Variants in LINGO2 observed in about 807,000 individuals in gnomAD.
LINGO2 encodes leucine-rich repeat and immunoglobulin-like domain-containing nogo receptor-interacting protein 2.
In LINGO2, 14 loss-of-function variants were observed where a neutral mutation model predicts 30.6. That is an observed-to-expected ratio of 0.46 (90% CI 0.30 to 0.72). LINGO2 has a LOEUF of 0.72. LINGO2 is among the 30% of genes least tolerant of loss of function. The probability of loss-of-function intolerance (pLI) is 0.07; values close to 1 mark genes in which losing one functional copy is unlikely to be tolerated. For synonymous variants in LINGO2, 317 were observed against 288.5 expected (o/e 1.10, Z -1.00); for missense variants, 729 against 751.7 (o/e 0.97, Z 0.35).
At chr9:28,562,151 G>A (rs10491884) in intron 1 of LINGO2, among the ~76,000 whole-genome samples, 114,200 of 151,702 alleles carry the variant, frequency 0.75, 43,341 homozygotes, top group Middle Eastern at 0.86. Context: ...AAAATGCTCT[G>A]CTAATGAACC....
intron 4 of LINGO2, among the ~76,000 whole-genome samples, chr9:28,221,117 G>C (rs934050094): frequency 9.2e-5 from 14 of 151,898 alleles, no homozygotes; most frequent in Admixed American, 3.3e-4. Flanking sequence ...CGCTAACACG[G>C]TGAAACCCCG....
intron 4 of LINGO2, among the ~76,000 whole-genome samples, chr9:28,210,574 C>G (rs1422196941): frequency 6.6e-6 from 1 of 151,472 alleles, no homozygotes; most frequent in African/African-American, 2.4e-5. Context: ...TAAAAAGTTA[C>G]CATATTACTT....
chr9:29,136,449 T>C, the LINGO2 span, among the ~76,000 whole-genome samples: 2 of 152,170 alleles, frequency 1.3e-5, no homozygotes, highest in Non-Finnish European at 2.9e-5. Context: ...TCCTCAGAAA[T>C]TATTTTCTCC....
chr9:29,180,477 C>T, the LINGO2 span, among the ~76,000 whole-genome samples: 1 of 152,262 alleles, frequency 6.6e-6, no homozygotes, highest in East Asian at 1.9e-4. Context: ...ACCAATAATT[C>T]TAAAATCCAG....
chr9:28,069,367 A>G (rs185961063), intron 4 of LINGO2, among the ~76,000 whole-genome samples: 26 of 152,312 alleles, frequency 1.7e-4, no homozygotes, highest in Non-Finnish European at 2.6e-4. Context: ...TAGACATACT[A>G]TGAATGACAC....
the LINGO2 span, among the ~76,000 whole-genome samples, chr9:28,679,640 C>G: frequency 6.6e-6 from 1 of 151,848 alleles, no homozygotes; most frequent in Non-Finnish European, 1.5e-5. Context: ...CTCACATATA[C>G]AAATAATAGT....
the LINGO2 span, among the ~76,000 whole-genome samples, chr9:28,686,280 G>T: frequency 6.6e-6 from 1 of 151,850 alleles, no homozygotes; most frequent in Non-Finnish European, 1.5e-5. Flanking sequence ...TTTTGTAAGG[G>T]CAATATTCAT....
chr9:28,160,440 G>C (rs1212538516), intron 4 of LINGO2, among the ~76,000 whole-genome samples: 1 of 152,126 alleles, frequency 6.6e-6, no homozygotes, highest in African/African-American at 2.4e-5. Context: ...GAATGAAATG[G>C]ACAAAATTTC....
intron 1 of LINGO2, among the ~76,000 whole-genome samples, chr9:28,596,964 C>T (rs993640081): frequency 2.0e-5 from 3 of 152,062 alleles, no homozygotes; most frequent in African/African-American, 4.8e-5. Context: ...TGTTTATATG[C>T]TTTAAAAAAG....
At chr9:28,119,208 G>C (rs550549460) in intron 4 of LINGO2, among the ~76,000 whole-genome samples, 2 of 152,292 alleles carry the variant, frequency 1.3e-5, no homozygotes, top group South Asian at 4.1e-4. Flanking sequence ...TCAGTAACCA[G>C]CAAACCCAAT....
the LINGO2 span, among the ~76,000 whole-genome samples, chr9:29,165,186 T>C: frequency 1.3e-5 from 2 of 152,168 alleles, no homozygotes; most frequent in Admixed American, 6.5e-5. Context: ...ATATTTGGCA[T>C]CTGTATCAAT....
intron 4 of LINGO2, among the ~76,000 whole-genome samples, chr9:28,097,578 C>T (rs1307341164): frequency 7.1e-6 from 1 of 140,370 alleles, no homozygotes; most frequent in Non-Finnish European, 1.5e-5. Context: ...AGTAAACTAT[C>T]GCAAGAACAA....
At chr9:28,267,560 C>T (rs1228833158) in intron 4 of LINGO2, among the ~76,000 whole-genome samples, 1 of 151,992 alleles carries the variant, frequency 6.6e-6, no homozygotes, top group Non-Finnish European at 1.5e-5. Context: ...ACACATCATT[C>T]TGTGGTTTTC....
At chr9:28,848,062 TGTATATAA>T in the LINGO2 span, among the ~76,000 whole-genome samples, 3 of 8,660 alleles carry the variant, frequency 3.5e-4, 1 homozygote, top group African/African-American at 7.1e-4. Flanking sequence ...TATATATATA[TGTATATAA>T]TATATATATA....
the LINGO2 span, among the ~76,000 whole-genome samples, chr9:28,790,151 G>A: frequency 7.2e-5 from 11 of 151,980 alleles, no homozygotes; most frequent in African/African-American, 2.4e-4. Context: ...TCCTGCCTGG[G>A]ACATAAATCA....
At chr9:27,999,628 C>G (rs1291408011) in intron 5 of LINGO2, among the ~76,000 whole-genome samples, 1 of 152,116 alleles carries the variant, frequency 6.6e-6, no homozygotes, top group Non-Finnish European at 1.5e-5. Context: ...AGACTGCCAC[C>G]AGGTTTCTGG....
the LINGO2 span, among the ~76,000 whole-genome samples, chr9:29,069,975 G>A: frequency 3.3e-5 from 5 of 152,126 alleles, no homozygotes; most frequent in Admixed American, 6.6e-5. Flanking sequence ...AAATAGATGA[G>A]ATTAAAACAC....
intron 5 of LINGO2, among the ~76,000 whole-genome samples, chr9:28,006,898 C>A (rs1031576755): frequency 2.7e-5 from 4 of 149,700 alleles, no homozygotes; most frequent in African/African-American, 9.8e-5. Flanking sequence ...AGCAGCTAAT[C>A]CACATATACT....
At chr9:28,000,695 TCATA>T (rs1475352197) in intron 5 of LINGO2, among the ~76,000 whole-genome samples, 1 of 152,212 alleles carries the variant, frequency 6.6e-6, no homozygotes, top group Non-Finnish European at 1.5e-5. Flanking sequence ...TTTTTGGATT[TCATA>T]GTTTTTAAAA....
Sources: gnomAD v4.1 joint callset for allele counts (sites outside exome capture counted in the v4.1 genomes callset) on GRCh38, gnomAD v4.1.1 for gene constraint, MANE v1.5 for transcripts, NCBI Gene and HGNC (gene_info 2026-07-23, HGNC 2026-07-21) for gene names.